CHCHD6: variants seen among roughly 807,000 people sequenced by gnomAD.
CHCHD6 encodes the protein coiled-coil-helix-coiled-coil-helix domain containing 6.
Under a neutral mutation model 32.3 loss-of-function variants are expected in CHCHD6, and 28 were observed. The ratio of observed to expected loss-of-function variants is 0.87; its 90% CI spans 0.64 to 1.19. CHCHD6 has a LOEUF of 1.19. CHCHD6 is among the 50% of genes most tolerant of loss of function. CHCHD6 has a pLI of 0.00. For missense variants in CHCHD6, 333 were observed against 307.0 expected (o/e 1.08, Z -0.63); for synonymous variants, 122 against 117.5 (o/e 1.04, Z -0.25).
At chr3:126,764,698 A>G (rs983941794) in intron 4 of CHCHD6, among the ~76,000 whole-genome samples, 1 of 152,196 alleles carries the variant, frequency 6.6e-6, no homozygotes, top group African/African-American at 2.4e-5. Context: ...AACTCAAAGG[A>G]GAGACGTCAA....
chr3:126,721,667 C>A (rs1576337133), intron 1 of CHCHD6, among the ~76,000 whole-genome samples: 2 of 152,088 alleles, frequency 1.3e-5, no homozygotes, highest in Non-Finnish European at 2.9e-5. Context: ...GTATGTGTGA[C>A]CATTGCCACA....
At chr3:126,911,837 T>G (rs1160065386) in intron 5 of CHCHD6, among the ~76,000 whole-genome samples, 1 of 152,212 alleles carries the variant, frequency 6.6e-6, no homozygotes. Context: ...ATTCGCTCTC[T>G]GAGAAGGTTG....
At chr3:126,866,607 C>T (rs1942296527) in intron 5 of CHCHD6, among the ~76,000 whole-genome samples, 2 of 152,228 alleles carry the variant, frequency 1.3e-5, no homozygotes, top group Admixed American at 6.5e-5. Context: ...ACTTATTCAC[C>T]AGTTGACTCT....
intron 5 of CHCHD6, among the ~76,000 whole-genome samples, chr3:126,894,156 G>A (rs545369792): frequency 2.6e-5 from 4 of 152,348 alleles, no homozygotes; most frequent in African/African-American, 2.4e-5. Flanking sequence ...ATGCCCCATG[G>A]CACACCCAAT....
intron 4 of CHCHD6, among the ~76,000 whole-genome samples, chr3:126,808,081 A>G (rs1433608399): frequency 2.6e-5 from 4 of 152,202 alleles, no homozygotes; most frequent in African/African-American, 4.8e-5. Flanking sequence ...TCATGCAAAC[A>G]GTTTCAGTTA....
At chr3:126,828,154 G>C (rs980441931) in intron 4 of CHCHD6, among the ~76,000 whole-genome samples, 1 of 152,080 alleles carries the variant, frequency 6.6e-6, no homozygotes. Flanking sequence ...CTCTCTCTTT[G>C]AAGACTGTGT....
At chr3:126,859,707 C>T (rs1007275372) in intron 5 of CHCHD6, among the ~76,000 whole-genome samples, 1 of 152,174 alleles carries the variant, frequency 6.6e-6, no homozygotes, top group East Asian at 1.9e-4. Flanking sequence ...GCCATGCACA[C>T]GGCTGATAGA....
At chr3:126,821,904 C>T (rs1222382542) in intron 4 of CHCHD6, among the ~76,000 whole-genome samples, 1 of 152,096 alleles carries the variant, frequency 6.6e-6, no homozygotes, top group Non-Finnish European at 1.5e-5. Context: ...TTCCTTTGCC[C>T]ATATTAGTTT....
chr3:126,789,098 G>A (rs1368677882), intron 4 of CHCHD6, among the ~76,000 whole-genome samples: 2 of 152,200 alleles, frequency 1.3e-5, no homozygotes, highest in African/African-American at 4.8e-5. Context: ...TCATTCAGGA[G>A]CAGGTTGTTC....
chr3:126,803,278 TAA>T (rs1559853279), intron 4 of CHCHD6, among the ~76,000 whole-genome samples: 1 of 152,130 alleles, frequency 6.6e-6, no homozygotes, highest in Non-Finnish European at 1.5e-5. Context: ...GCAAATTGGA[TAA>T]AGAGTCAAGA....
chr3:126,746,671 T>A (rs897253772), intron 4 of CHCHD6, among the ~76,000 whole-genome samples: 1 of 152,218 alleles, frequency 6.6e-6, no homozygotes, highest in Non-Finnish European at 1.5e-5. Flanking sequence ...TACACCGCCA[T>A]GTCACATGTG....
chr3:126,751,585 C>T (rs1184122784), intron 4 of CHCHD6, among the ~76,000 whole-genome samples: 1 of 151,450 alleles, frequency 6.6e-6, no homozygotes, highest in African/African-American at 2.4e-5. Context: ...AGATTCTGCT[C>T]CTTTGCTGGG....
At chr3:126,933,945 A>T (rs1214075276) in intron 6 of CHCHD6, among the ~76,000 whole-genome samples, 1 of 152,164 alleles carries the variant, frequency 6.6e-6, no homozygotes, top group Middle Eastern at 3.2e-3. Context: ...GCATGCATTC[A>T]TGCACTCTCA....
At chr3:126,864,701 T>C (rs1478040862) in intron 5 of CHCHD6, among the ~76,000 whole-genome samples, 11 of 106,324 alleles carry the variant, frequency 1.0e-4, no homozygotes, top group Middle Eastern at 8.8e-3. Flanking sequence ...TCCACCATCA[T>C]CTCCTCTTCC....
chr3:126,903,370 G>C lies in CHCHD6; in HGVS notation c.496-11310G>C, dbSNP rs140307947. 2.7e-3 allele frequency among the ~76,000 whole-genome samples: 417 copies of C among 152,248 alleles called. 1 individual carries two copies. The highest frequency in any genetic ancestry group is 9.6e-3 in the African/African-American group (398 of 41,554). ...CCCTTAACCCTGGAATTCCCTCCCAGCCTCGGATTTCCCAGCTTTTGGGTT... is the reference window on the plus strand; with the variant it reads ...CCCTTAACCCTGGAATTCCCTCCCACCCTCGGATTTCCCAGCTTTTGGGTT... On this transcript the variant is annotated intron_variant, in intron 5 of 7. Transcript: ENST00000290913.
intron 5 of CHCHD6, among the ~76,000 whole-genome samples, chr3:126,911,197 T>C (rs1484454055): frequency 6.6e-6 from 1 of 152,118 alleles, no homozygotes; most frequent in Non-Finnish European, 1.5e-5. Context: ...ATTGTAATTA[T>C]GATGCCACCA....
chr3:126,820,512 T>C (rs1940101359), intron 4 of CHCHD6, among the ~76,000 whole-genome samples: 1 of 152,232 alleles, frequency 6.6e-6, no homozygotes, highest in Non-Finnish European at 1.5e-5. Flanking sequence ...TCTGGCTCTC[T>C]GTGACGTCTG....
intron 4 of CHCHD6, among the ~76,000 whole-genome samples, chr3:126,803,136 C>G (rs1169989238): frequency 6.6e-6 from 1 of 152,014 alleles, no homozygotes. Flanking sequence ...ACCATCGAGA[C>G]TAGGAAGAAA....
At chr3:126,733,568 G>T (rs1935909724) in intron 4 of CHCHD6, among the ~76,000 whole-genome samples, 1 of 152,204 alleles carries the variant, frequency 6.6e-6, no homozygotes, top group Non-Finnish European at 1.5e-5. Context: ...AGCGTGTGAG[G>T]GCAGAGGACT....
Sources: gnomAD v4.1 joint callset for allele counts (sites outside exome capture counted in the v4.1 genomes callset) on GRCh38, gnomAD v4.1.1 for gene constraint, MANE v1.5 for transcripts, NCBI Gene and HGNC (gene_info 2026-07-23, HGNC 2026-07-21) for gene names.